PDE3A: variants seen among roughly 807,000 people sequenced by gnomAD.
PDE3A encodes phosphodiesterase 3A, also known as cGMP-inhibited 3',5'-cyclic phosphodiesterase 3A.
PDE3A carries 43 observed loss-of-function variants against 98.3 expected under a neutral mutation model. The observed-to-expected ratio is 0.44, with a 90% confidence interval of 0.34 to 0.56. The LOEUF (loss-of-function observed/expected upper bound fraction) is 0.56, where lower values mean the gene tolerates loss of function less well. Among genes scored for constraint, PDE3A ranks in the 20% least tolerant of loss-of-function variants. The pLI, the probability that PDE3A is intolerant of heterozygous loss-of-function variation, is 0.01. For missense variants in PDE3A, 1,427 were observed against 1,440.7 expected (o/e 0.99, Z 0.15); for synonymous variants, 663 against 567.9 (o/e 1.17, Z -2.38).
chr12:20,646,145 A>G (rs1944770358), intron 10 of PDE3A, among the ~76,000 whole-genome samples: 1 of 152,214 alleles, frequency 6.6e-6, no homozygotes, highest in Admixed American at 6.5e-5. Flanking sequence ...TTCTCTGCAT[A>G]GTTTTATGCA....
intron 2 of PDE3A, among the ~76,000 whole-genome samples, chr12:20,570,793 A>G (rs1317396571): frequency 6.6e-6 from 1 of 152,092 alleles, no homozygotes; most frequent in African/African-American, 2.4e-5. Context: ...ATTTAATGGA[A>G]ATTTCCAAAT....
At position 20,370,017 on chromosome 12, in the gene PDE3A, G is replaced by T; in HGVS notation, c.733G>T (p.Gly245Cys). The T allele has an allele frequency of 6.2e-7, 1 of 1,612,992 alleles. No homozygotes were observed. Among genetic ancestry groups the T allele is most frequent in the Non-Finnish European group, 8.5e-7 (1 of 1,179,948 alleles). The change falls in exon 1 of 16, where the codon GGC becomes TGC. Residue 245 changes from glycine to cysteine, a missense_variant. Transcript: ENST00000359062. ...GAGACCTTACCTGGCGTACCTGGCC[G>T]GCGTGCTGGGGATCCTCTTGGCCAG... ...AWRPYLAYLAGVLGILLARYV... is the reference protein window; with the variant it reads ...AWRPYLAYLACVLGILLARYV...
chr12:20,507,154 G>A (rs565382599), intron 1 of PDE3A, among the ~76,000 whole-genome samples: 2 of 151,880 alleles, frequency 1.3e-5, no homozygotes, highest in Non-Finnish European at 2.9e-5. Flanking sequence ...CAGAATGTAA[G>A]CTACATTTCT....
intron 1 of PDE3A, among the ~76,000 whole-genome samples, chr12:20,543,435 A>T (rs780583873): frequency 6.6e-6 from 1 of 151,982 alleles, no homozygotes; most frequent in Non-Finnish European, 1.5e-5. Flanking sequence ...TCTGGCCCCA[A>T]AGAGTAGCCT....
At chr12:20,410,556 T>C (rs1327186656) in intron 1 of PDE3A, among the ~76,000 whole-genome samples, 1 of 152,214 alleles carries the variant, frequency 6.6e-6, no homozygotes, top group East Asian at 1.9e-4. Flanking sequence ...CTCCGTCAGC[T>C]ACCTAGAGTT....
intron 1 of PDE3A, among the ~76,000 whole-genome samples, chr12:20,544,398 C>T (rs574640310): frequency 8.6e-4 from 130 of 151,644 alleles, no homozygotes; most frequent in African/African-American, 2.3e-3. Flanking sequence ...ATAGTACTTA[C>T]GAAGGATTTT....
chr12:20,629,896 A>T lies in PDE3A; in HGVS notation c.1541-12A>T. 1 of 1,600,244 alleles carries T rather than the reference A, an allele frequency of 6.2e-7. No individual in the cohort carries two copies. Among genetic ancestry groups the T allele is most frequent in the Non-Finnish European group, 8.6e-7 (1 of 1,167,476 alleles). Reference sequence around the variant, plus strand: ...ACATTTGTTTAGTTACTTAACTCTCATTCTTTCTCAGGTGCCCTCGCTAAA... The same window carrying T: ...ACATTTGTTTAGTTACTTAACTCTCTTTCTTTCTCAGGTGCCCTCGCTAAA... On this transcript the variant is annotated splice_polypyrimidine_tract_variant and intron_variant, in intron 5 of 15. Coordinates refer to ENST00000359062, the MANE Select transcript of PDE3A (RefSeq NM_000921.5).
At chr12:20,402,047 G>A (rs1944141839) in intron 1 of PDE3A, among the ~76,000 whole-genome samples, 1 of 152,326 alleles carries the variant, frequency 6.6e-6, no homozygotes, top group South Asian at 2.1e-4. Flanking sequence ...GGTTCAGTAT[G>A]TATCTGTGGA....
Position 20,369,270 on chromosome 12 carries a change from A to C in PDE3A, c.-15A>C. 2.0e-6 allele frequency: 3 copies of C among 1,472,774 alleles called. No individual in the cohort carries two copies. The highest frequency in any genetic ancestry group is 2.7e-6 in the Non-Finnish European group (3 of 1,106,674). The allele number at this position is 1,472,774 out of a possible 1,614,324, so 91.2% of individuals were successfully genotyped here. ...GGGGGCCACTGGGAATTCAGTGAAG[A>C]GGGCACCCTATACCATGGCAGTGCC... On this transcript the variant is annotated 5_prime_UTR_variant, in exon 1 of 16. Transcript: ENST00000359062.
intron 1 of PDE3A, 118 bp downstream of exon 1, chr12:20,370,362 C>T (rs991661114): frequency 1.9e-5 from 14 of 725,244 alleles, no homozygotes; most frequent in Non-Finnish European, 2.8e-5. Flanking sequence ...GAAAACTGGT[C>T]TAACTTCAGA....
intron 1 of PDE3A, among the ~76,000 whole-genome samples, chr12:20,509,648 G>C (rs1056418894): frequency 6.6e-6 from 1 of 151,968 alleles, no homozygotes; most frequent in African/African-American, 2.4e-5. Flanking sequence ...ATAATGTCTA[G>C]CTCTGAAATT....
chr12:20,375,547 T>A (rs2120514829), intron 1 of PDE3A, among the ~76,000 whole-genome samples: 1 of 152,104 alleles, frequency 6.6e-6, no homozygotes, highest in Non-Finnish European at 1.5e-5. Flanking sequence ...TACCTGTTCA[T>A]TGTGAATGTA....
At chr12:20,374,457 A>T (rs1013441193) in intron 1 of PDE3A, among the ~76,000 whole-genome samples, 1 of 152,070 alleles carries the variant, frequency 6.6e-6, no homozygotes, top group African/African-American at 2.4e-5. Context: ...CAACCAGAAC[A>T]GTGACTCTGT....
Position 20,385,778 on chromosome 12 carries a change from G to A in PDE3A, c.960+15534G>A, listed in dbSNP as rs558121140. On this transcript the variant is annotated intron_variant, in intron 1 of 15. Transcript: ENST00000359062. ...CACAGGAAGGGGAACATCACACATC[G>A]GGGCCTGTTGTGGGGTGGGGGGAGT... 1.8e-3 allele frequency among the ~76,000 whole-genome samples: 272 copies of A among 149,544 alleles called. 1 individual carries two copies. Among genetic ancestry groups the A allele is most frequent in the African/African-American group, 6.4e-3 (260 of 40,564 alleles).
At chr12:20,390,311 C>A (rs1241757821) in intron 1 of PDE3A, among the ~76,000 whole-genome samples, 1 of 151,724 alleles carries the variant, frequency 6.6e-6, no homozygotes, top group Admixed American at 6.6e-5. Context: ...GTGATGTGAA[C>A]AGATTAAACA....
chr12:20,402,763 T>C (rs886819814), intron 1 of PDE3A, among the ~76,000 whole-genome samples: 5 of 152,222 alleles, frequency 3.3e-5, no homozygotes, highest in Non-Finnish European at 7.3e-5. Context: ...AATTTTTTTC[T>C]AATGCCTGGC....
chr12:20,659,141 A>G (rs1268771984), intron 15 of PDE3A, among the ~76,000 whole-genome samples: 1 of 152,158 alleles, frequency 6.6e-6, no homozygotes, highest in Non-Finnish European at 1.5e-5. Context: ...CCATCTCATG[A>G]AGAAATTATG....
rs537268389 is a variant in PDE3A, at chr12:20,486,687, G to A, written c.961-69973G>A. Among the ~76,000 whole-genome samples the A allele has an allele frequency of 3.9e-5, 6 of 152,320 alleles. No individual in the cohort carries two copies. In the South Asian group the frequency reaches 1.2e-3, roughly 32 times the overall value. ...CTTGCTCTGTCACCTGTGCTGGAGTGCAGTGGTGCAATCTCAATCCACTGC... is the reference window on the plus strand; with the variant it reads ...CTTGCTCTGTCACCTGTGCTGGAGTACAGTGGTGCAATCTCAATCCACTGC... On this transcript the variant is annotated intron_variant, in intron 1 of 15. Transcript: ENST00000359062.
chr12:20,488,879 C>CAAAAAAAA (rs5796863), intron 1 of PDE3A, among the ~76,000 whole-genome samples: 1 of 118,992 alleles, frequency 8.4e-6, no homozygotes, highest in African/African-American at 3.4e-5. Flanking sequence ...TCCCTGTCTC[C>CAAAAAAAA]AAAAAAAAAA....
Sources: allele counts gnomAD v4.1 joint callset (sites outside exome capture counted in the v4.1 genomes callset), GRCh38; gene constraint gnomAD v4.1.1; transcripts MANE v1.5; gene names NCBI Gene and HGNC (gene_info 2026-07-23, HGNC 2026-07-21).